The following ARHGAP31 variants were observed in gnomAD, a reference collection of about 807,000 sequenced individuals.
ARHGAP31 encodes rho GTPase-activating protein 31.
ARHGAP31 carries 34 observed loss-of-function variants against 113.9 expected under a neutral mutation model. The observed-to-expected ratio is 0.30, with a 90% CI of 0.23 to 0.40. ARHGAP31 has a LOEUF of 0.40. Among genes scored for constraint, ARHGAP31 ranks in the 10% least tolerant of loss-of-function variants. The pLI is 1.00. For missense variants in ARHGAP31, 1,548 were observed against 1,767.1 expected, an observed-to-expected ratio of 0.88 and a Z score of 2.22; for synonymous variants, 650 against 684.8, an observed-to-expected ratio of 0.95 and a Z score of 0.79.
chr3:119,410,374 C>G (rs2080705180), intron 11 of ARHGAP31, among the ~76,000 whole-genome samples: 1 of 152,064 alleles, frequency 6.6e-6, no homozygotes, highest in African/African-American at 2.4e-5. Flanking sequence ...CAGGGATACC[C>G]AAGGAGGAGT....
intron 1 of ARHGAP31, among the ~76,000 whole-genome samples, chr3:119,338,390 G>GTAC (rs929076070): frequency 6.6e-6 from 1 of 152,112 alleles, no homozygotes; most frequent in Non-Finnish European, 1.5e-5. Context: ...AGCTCCTGTG[G>GTAC]TACTACATAT....
At chr3:119,386,397 C>T (rs1343187744) in intron 6 of ARHGAP31, among the ~76,000 whole-genome samples, 2 of 152,190 alleles carry the variant, frequency 1.3e-5, no homozygotes, top group Non-Finnish European at 2.9e-5. Flanking sequence ...CAGTCAGCAC[C>T]TTCTCACTGT....
intron 1 of ARHGAP31, among the ~76,000 whole-genome samples, chr3:119,364,383 C>G (rs573820969): frequency 6.6e-6 from 1 of 152,020 alleles, no homozygotes; most frequent in Admixed American, 6.5e-5. Context: ...AATGTATATT[C>G]AATTTGTTGA....
At chr3:119,311,103 C>T (rs1288033338) in intron 1 of ARHGAP31, among the ~76,000 whole-genome samples, 2 of 152,166 alleles carry the variant, frequency 1.3e-5, no homozygotes, top group African/African-American at 4.8e-5. Context: ...CAGTAGATTC[C>T]CCAGTTGGCC....
chr3:119,414,390 CA>C lies in ARHGAP31; in HGVS notation c.2462del (p.Gln821ArgfsTer2). ...RKLRTDLYID[Q>X]LKSQDSPEIS... ...ATTGAGGACAGATCTCTACATAGAC[CA>C]GCTGAAGTCCCAAGACAGCCCTGAG... On this transcript the variant is annotated frameshift_variant, in exon 12 of 12. Transcript: ENST00000264245. LOFTEE classifies it high-confidence loss of function. The C allele has an allele frequency of 1.2e-6, 2 of 1,614,156 alleles. No individual in the cohort carries two copies. The highest frequency in any genetic ancestry group is 1.7e-6 in the Non-Finnish European group (2 of 1,180,034).
At position 119,401,973 on chromosome 3, in the gene ARHGAP31, T is replaced by C; in HGVS notation, c.1221T>C (p.Ala407=). 1 of 1,614,154 alleles carries C rather than the reference T, an allele frequency of 6.2e-7. No homozygotes were observed. Among genetic ancestry groups the C allele is most frequent in the Non-Finnish European group, 8.5e-7 (1 of 1,180,024 alleles). Residue 407 remains alanine, a synonymous_variant, in exon 10 of 12, where the codon GCT becomes GCC. Transcript: ENST00000264245. The part of the protein sequence containing the change: ...EWGQEGMPPG[A]EGGFDVSSDR... Reference sequence around the variant, plus strand: ...GCCAGGAGGGGATGCCTCCCGGGGCTGAGGGTGGCTTTGATGTGAGCAGTG... The same window carrying C: ...GCCAGGAGGGGATGCCTCCCGGGGCCGAGGGTGGCTTTGATGTGAGCAGTG...
intron 1 of ARHGAP31, among the ~76,000 whole-genome samples, chr3:119,300,340 C>T (rs1390324359): frequency 2.0e-5 from 3 of 152,162 alleles, no homozygotes; most frequent in Non-Finnish European, 4.4e-5. Context: ...GGATGAGGCT[C>T]CAATTAAATG....
intron 1 of ARHGAP31, among the ~76,000 whole-genome samples, chr3:119,346,414 C>A (rs1267140352): frequency 6.6e-6 from 1 of 152,168 alleles, no homozygotes; most frequent in Non-Finnish European, 1.5e-5. Context: ...AGAAAGATAT[C>A]ATTAAACCCA....
intron 1 of ARHGAP31, among the ~76,000 whole-genome samples, chr3:119,343,225 A>G (rs1023925604): frequency 6.6e-6 from 1 of 152,176 alleles, no homozygotes; most frequent in Non-Finnish European, 1.5e-5. Context: ...AACTCTGAAA[A>G]AAGAGCAGTA....
At chr3:119,377,966 C>T (rs1484880389) in intron 3 of ARHGAP31, among the ~76,000 whole-genome samples, 1 of 152,152 alleles carries the variant, frequency 6.6e-6, no homozygotes, top group Non-Finnish European at 1.5e-5. Flanking sequence ...GACTTGAGCT[C>T]AGGGACTGTG....
At chr3:119,319,602 A>G (rs1410489040) in intron 1 of ARHGAP31, among the ~76,000 whole-genome samples, 7 of 152,182 alleles carry the variant, frequency 4.6e-5, no homozygotes, top group Admixed American at 3.3e-4. Context: ...CATTTAATCA[A>G]CAAGAATCTG....
chr3:119,381,249 C>T (rs1278770342), intron 4 of ARHGAP31, among the ~76,000 whole-genome samples: 1 of 152,158 alleles, frequency 6.6e-6, no homozygotes, highest in Non-Finnish European at 1.5e-5. Context: ...TCCAGTGATG[C>T]ATACTAGCCT....
intron 5 of ARHGAP31, among the ~76,000 whole-genome samples, chr3:119,382,849 G>C (rs2080413867): frequency 6.6e-6 from 1 of 152,218 alleles, no homozygotes; most frequent in African/African-American, 2.4e-5. Flanking sequence ...ATGTTTACAG[G>C]ATAGTGTTTA....
At chr3:119,332,906 T>A (rs1559969886) in intron 1 of ARHGAP31, among the ~76,000 whole-genome samples, 1 of 152,170 alleles carries the variant, frequency 6.6e-6, no homozygotes, top group Non-Finnish European at 1.5e-5. Flanking sequence ...TGCCAAGCAC[T>A]CTACTTGAAG....
At chr3:119,330,086 G>C in intron 1 of ARHGAP31, 1 of 874,880 alleles carries the variant, frequency 1.1e-6, no homozygotes, top group South Asian at 5.3e-5. Context: ...TGTTTGAACT[G>C]ATCTAATCAC....
At chr3:119,341,361 G>C (rs144403229) in intron 1 of ARHGAP31, among the ~76,000 whole-genome samples, 5 of 152,300 alleles carry the variant, frequency 3.3e-5, no homozygotes, top group African/African-American at 1.2e-4. Context: ...CAGCAAACTA[G>C]TATGTAACAC....
At chr3:119,321,313 ATGTATATATAAT>A (rs2079783645) in intron 1 of ARHGAP31, among the ~76,000 whole-genome samples, 1 of 147,100 alleles carries the variant, frequency 6.8e-6, no homozygotes, top group African/African-American at 2.5e-5. Flanking sequence ...TATATGTATT[ATGTATATATAAT>A]TATATACTAT....
chr3:119,414,513 C>A lies in ARHGAP31; in HGVS notation c.2584C>A (p.Pro862Thr). ...AASEGKGCGF[P>T]SPTREVEIVS... The stretch of plus-strand genomic sequence containing the variant: ...TTCTGAGGGGAAAGGCTGTGGTTTT[C>A]CAAGCCCAACCAGGGAGGTTGAGAT... The change falls in exon 12 of 12, where the codon CCA becomes ACA. Residue 862 changes from proline (P) to threonine (T), a missense_variant. Pro to Thr is a conservative substitution (Grantham distance 38). Coordinates refer to ENST00000264245, the MANE Select transcript of ARHGAP31 (RefSeq NM_020754.4). 1.9e-6 allele frequency: 3 copies of A among 1,614,178 alleles called. 1 individual carries two copies. The South Asian group carries it at 3.3e-5, about 18-fold the overall frequency.
At chr3:119,373,561 T>G (rs1450887811) in intron 3 of ARHGAP31, among the ~76,000 whole-genome samples, 3 of 152,068 alleles carry the variant, frequency 2.0e-5, no homozygotes, top group Non-Finnish European at 2.9e-5. Flanking sequence ...CCACCCGGGT[T>G]CAAGCAATTC....
Sources: gnomAD v4.1 joint callset for allele counts (sites outside exome capture counted in the v4.1 genomes callset) on GRCh38, gnomAD v4.1.1 for gene constraint, MANE v1.5 for transcripts, NCBI Gene and HGNC (gene_info 2026-07-23, HGNC 2026-07-21) for gene names.